DGKI: variants seen among roughly 807,000 people sequenced by gnomAD.
DGKI encodes diacylglycerol kinase iota, also known as DAG kinase iota.
Under a neutral mutation model 147.5 loss-of-function variants are expected in DGKI, and 55 were observed. The ratio of observed to expected loss-of-function variants is 0.37; its 90% CI spans 0.30 to 0.47. DGKI has a LOEUF of 0.47. Among genes scored for constraint, DGKI ranks in the 20% least tolerant of loss-of-function variants. The pLI is 1.00. For missense variants in DGKI, 1,007 were observed against 1,323.8 expected (o/e 0.76, Z 3.71); for synonymous variants, 469 against 477.1 (o/e 0.98, Z 0.22).
chr7:137,534,407 A>G (rs1817448961), intron 20 of DGKI, among the ~76,000 whole-genome samples: 1 of 152,032 alleles, frequency 6.6e-6, no homozygotes, highest in African/African-American at 2.4e-5. Flanking sequence ...AAGACTAACA[A>G]AAGTATTCCT....
At chr7:137,750,416 T>A (rs909871732) in intron 1 of DGKI, among the ~76,000 whole-genome samples, 3 of 90,178 alleles carry the variant, frequency 3.3e-5, no homozygotes, top group African/African-American at 1.3e-4. Context: ...AGATCGCTGT[T>A]GTATCACAAG....
chr7:137,466,882 C>A lies in DGKI; in HGVS notation c.2484+20G>T, dbSNP rs370807247. On this transcript the variant is annotated intron_variant, in intron 25 of 32. Coordinates refer to ENST00000614521, the MANE Select transcript of DGKI (RefSeq NM_001321708.2). Reference sequence around the variant, plus strand: ...CTTGGGAATTTTTCACTTTCACAAGCAGGCTGGAAAAAAACTTACCTGAGA... The same window carrying A: ...CTTGGGAATTTTTCACTTTCACAAGAAGGCTGGAAAAAAACTTACCTGAGA... 3.1e-6 allele frequency: 5 copies of A among 1,613,474 alleles called. No individual in the cohort carries two copies. In the African/African-American group the frequency reaches 6.7e-5, roughly 22 times the overall value.
intron 4 of DGKI, among the ~76,000 whole-genome samples, chr7:137,655,543 A>G (rs2116249654): frequency 6.6e-6 from 1 of 152,358 alleles, no homozygotes; most frequent in South Asian, 2.1e-4. Context: ...TTTCTTTTAG[A>G]TGTGGAGGTC....
At chr7:137,750,011 C>T (rs1795450167) in intron 1 of DGKI, among the ~76,000 whole-genome samples, 1 of 152,064 alleles carries the variant, frequency 6.6e-6, no homozygotes, top group African/African-American at 2.4e-5. Flanking sequence ...CATATTGTCA[C>T]AGTAGAGCAG....
intron 15 of DGKI, among the ~76,000 whole-genome samples, chr7:137,580,413 A>G (rs1254150658): frequency 6.6e-6 from 1 of 152,096 alleles, no homozygotes; most frequent in South Asian, 2.1e-4. Context: ...AGAACTGTCT[A>G]AGGCAGGGAG....
chr7:137,528,943 G>T lies in DGKI; in HGVS notation c.2148-6977C>A, dbSNP rs112894226. Among the ~76,000 whole-genome samples, 473 of 152,198 alleles carry T rather than the reference G, an allele frequency of 3.1e-3. 1 individual carries two copies. Among genetic ancestry groups the T allele is most frequent in the Non-Finnish European group, 5.0e-3 (339 of 68,006 alleles). ...GGCTTTTAAGTTACAAAAATAATCAGTCACATGGACTAATGTCAAAAGAGT... is the reference window on the plus strand; with the variant it reads ...GGCTTTTAAGTTACAAAAATAATCATTCACATGGACTAATGTCAAAAGAGT... On this transcript the variant is annotated intron_variant, in intron 20 of 32. Transcript: ENST00000614521.
chr7:137,413,300 T>C (rs1037252653), intron 28 of DGKI, among the ~76,000 whole-genome samples: 1 of 151,970 alleles, frequency 6.6e-6, no homozygotes, highest in Non-Finnish European at 1.5e-5. Flanking sequence ...CATTTTTATT[T>C]TAGATTCAGG....
intron 29 of DGKI, among the ~76,000 whole-genome samples, chr7:137,409,845 A>G (rs1812096103): frequency 6.6e-6 from 1 of 152,124 alleles, no homozygotes. Flanking sequence ...GGGTGGCTCC[A>G]GAGATGTTCT....
intron 8 of DGKI, among the ~76,000 whole-genome samples, chr7:137,618,151 A>ATATATATATATATATATATATATATTT: frequency 2.5e-3 from 26 of 10,462 alleles, no homozygotes; most frequent in Admixed American, 7.3e-3. Flanking sequence ...ATATATATAT[A>ATATATATATATATATATATATATATTT]TTTTTTTTTT....
At chr7:137,723,096 T>C (rs1794616289) in intron 1 of DGKI, among the ~76,000 whole-genome samples, 1 of 152,192 alleles carries the variant, frequency 6.6e-6, no homozygotes, top group African/African-American at 2.4e-5. Context: ...AAGCAGTAGA[T>C]GGCTCATAGT....
chr7:137,625,759 AAGAC>A (rs1176756982), intron 6 of DGKI, among the ~76,000 whole-genome samples: 5 of 151,362 alleles, frequency 3.3e-5, no homozygotes, highest in African/African-American at 9.7e-5. Flanking sequence ...AAAAAAAAAA[AAGAC>A]AGAAAAGAAA....
rs375492194 is a variant in DGKI, at chr7:137,387,584, G to A, written c.*3636C>T. 7.2e-5 allele frequency: 11 copies of A among 152,138 alleles called. No homozygotes were observed. The highest frequency in any genetic ancestry group is 2.4e-4 in the African/African-American group (10 of 41,534). The allele number at this position is 152,138 out of a possible 1,614,324, so 9.4% of individuals were successfully genotyped here. A position where few individuals can be genotyped will look rare whatever the true frequency, so the allele number is the denominator to read the frequency against. ...TATATATGTGTGTAAATGTATATGC[G>A]TATATACATACATACTTGTGCATGA... is the stretch of plus-strand genomic sequence containing the variant. On this transcript the variant is annotated 3_prime_UTR_variant, in exon 33 of 33. Coordinates refer to ENST00000614521, the MANE Select transcript of DGKI (RefSeq NM_001321708.2).
chr7:137,735,643 A>C (rs3800642), intron 1 of DGKI, among the ~76,000 whole-genome samples: 35,103 of 152,036 alleles, frequency 0.23, 7,635 homozygotes, highest in African/African-American at 0.57. Context: ...CTTGGGATTC[A>C]GAAGTGCCAG....
chr7:137,615,882 C>T (rs1371794355), intron 8 of DGKI, among the ~76,000 whole-genome samples: 3 of 151,994 alleles, frequency 2.0e-5, no homozygotes, highest in Non-Finnish European at 4.4e-5. Flanking sequence ...AAATTAGTTA[C>T]GTGGCTACAG....
intron 5 of DGKI, among the ~76,000 whole-genome samples, chr7:137,647,128 T>G (rs1205563554): frequency 6.6e-6 from 1 of 152,176 alleles, no homozygotes; most frequent in Admixed American, 6.5e-5. Flanking sequence ...AGCTAACACT[T>G]GTTGAGTACT....
rs544884706 is a variant in DGKI, at chr7:137,826,964, A to G, written c.401+19498T>C. On this transcript the variant is annotated intron_variant, in intron 1 of 32. Transcript: ENST00000614521. ...AAATTCTCCTTACTCAATCTTTCCC[A>G]AAGCTTGAGACTAGAAACTCACCCT... Among the ~76,000 whole-genome samples, 253 of 152,320 alleles carry G rather than the reference A, an allele frequency of 1.7e-3. 1 individual carries two copies. The highest frequency in any genetic ancestry group is 6.0e-3 in the African/African-American group (250 of 41,570).
chr7:137,736,306 G>C (rs559507767), intron 1 of DGKI, among the ~76,000 whole-genome samples: 1 of 152,160 alleles, frequency 6.6e-6, no homozygotes, highest in South Asian at 2.1e-4. Context: ...TCTCCATCAA[G>C]CTAGGTTGCA....
At chr7:137,638,535 T>C (rs1464272994) in intron 6 of DGKI, among the ~76,000 whole-genome samples, 14 of 121,034 alleles carry the variant, frequency 1.2e-4, no homozygotes, top group East Asian at 5.3e-4. Context: ...TACACACACA[T>C]ATATGTATAT....
chr7:137,520,731 T>C (rs895803247), intron 21 of DGKI, among the ~76,000 whole-genome samples: 2 of 152,066 alleles, frequency 1.3e-5, no homozygotes, highest in African/African-American at 2.4e-5. Context: ...ACCAGGGATA[T>C]GGCTCCTCAC....
Sources: allele counts gnomAD v4.1 joint callset (sites outside exome capture counted in the v4.1 genomes callset), GRCh38; gene constraint gnomAD v4.1.1; transcripts MANE v1.5; gene names NCBI Gene and HGNC (gene_info 2026-07-23, HGNC 2026-07-21).